MYT1L: variants seen among roughly 807,000 people sequenced by gnomAD.
The protein encoded by MYT1L is myelin transcription factor 1 like, also known as myelin transcription factor 1-like protein.
Under a neutral mutation model 126.7 loss-of-function variants are expected in MYT1L, and 12 were observed. That is an observed-to-expected ratio of 0.09 (90% CI 0.06 to 0.15). MYT1L has a LOEUF of 0.15. MYT1L is among the 10% of genes least tolerant of loss of function. MYT1L has a pLI of 1.00. For missense variants in MYT1L, 979 were observed against 1,585.2 expected, an observed-to-expected ratio of 0.62 and a Z score of 6.49; for synonymous variants, 541 against 604.2, an observed-to-expected ratio of 0.90 and a Z score of 1.53.
chr2:1,835,704 C>G (rs370631906), intron 21 of MYT1L, among the ~76,000 whole-genome samples: 3 of 152,160 alleles, frequency 2.0e-5, no homozygotes, highest in Non-Finnish European at 4.4e-5. Context: ...CGGGCAAACA[C>G]GCCCAGAGCC....
chr2:2,200,090 C>A (rs771036592), intron 2 of MYT1L, among the ~76,000 whole-genome samples: 1 of 152,072 alleles, frequency 6.6e-6, no homozygotes, highest in Non-Finnish European at 1.5e-5. Context: ...ACATGCTTCC[C>A]ACCGTGGCAC....
chr2:2,203,780 C>CA (rs1559327743), intron 2 of MYT1L, among the ~76,000 whole-genome samples: 1 of 152,014 alleles, frequency 6.6e-6, no homozygotes, highest in African/African-American at 2.4e-5. Flanking sequence ...CACATGGAAC[C>CA]AAAAAAGAGC....
intron 21 of MYT1L, among the ~76,000 whole-genome samples, chr2:1,831,466 G>A (rs536239627): frequency 1.8e-4 from 27 of 152,152 alleles, no homozygotes; most frequent in South Asian, 1.5e-3. Context: ...TGCCAACGTC[G>A]TTCCTCCCCT....
At chr2:2,238,478 C>G (rs1168138837) in intron 2 of MYT1L, among the ~76,000 whole-genome samples, 1 of 152,184 alleles carries the variant, frequency 6.6e-6, no homozygotes, top group Non-Finnish European at 1.5e-5. Context: ...GAAACACTTC[C>G]TCCTTTGACA....
At chr2:2,150,987 T>A (rs1485160509) in intron 3 of MYT1L, among the ~76,000 whole-genome samples, 3 of 152,068 alleles carry the variant, frequency 2.0e-5, no homozygotes, top group Non-Finnish European at 4.4e-5. Flanking sequence ...CAAGGCTGGC[T>A]CTGAGGAAAA....
intron 2 of MYT1L, among the ~76,000 whole-genome samples, chr2:2,198,031 A>T (rs1050424063): frequency 4.0e-5 from 6 of 151,710 alleles, no homozygotes; most frequent in African/African-American, 1.5e-4. Flanking sequence ...TGTATATATT[A>T]TATATATAAT....
intron 9 of MYT1L, among the ~76,000 whole-genome samples, chr2:1,932,422 T>TG (rs983340782): frequency 7.2e-5 from 11 of 152,244 alleles, no homozygotes; most frequent in South Asian, 2.1e-4. Context: ...GGCATGGCAC[T>TG]GGGGGGAGGA....
chr2:2,229,657 T>A (rs1223424863), intron 2 of MYT1L, among the ~76,000 whole-genome samples: 1 of 152,078 alleles, frequency 6.6e-6, no homozygotes, highest in African/African-American at 2.4e-5. Flanking sequence ...GGTCTTGAAC[T>A]CCTGGGCTCC....
At chr2:2,226,175 C>A (rs959936265) in intron 2 of MYT1L, among the ~76,000 whole-genome samples, 1 of 152,110 alleles carries the variant, frequency 6.6e-6, no homozygotes, top group Non-Finnish European at 1.5e-5. Flanking sequence ...CTTGCTGCAC[C>A]CCAAAACTCT....
chr2:2,206,219 C>A (rs1208468765), intron 2 of MYT1L, among the ~76,000 whole-genome samples: 2 of 152,128 alleles, frequency 1.3e-5, no homozygotes, highest in Non-Finnish European at 2.9e-5. Flanking sequence ...CTCAGATGAT[C>A]CACTGGCCTC....
At chr2:1,919,272 G>A (rs1435532864) in intron 10 of MYT1L, among the ~76,000 whole-genome samples, 2 of 152,132 alleles carry the variant, frequency 1.3e-5, no homozygotes, top group African/African-American at 4.8e-5. Context: ...TGGTTGAGGT[G>A]GGGTCATGCT....
At chr2:1,957,188 G>A (rs1188948156) in intron 8 of MYT1L, among the ~76,000 whole-genome samples, 1 of 152,190 alleles carries the variant, frequency 6.6e-6, no homozygotes. Flanking sequence ...CATGAGATGT[G>A]AGTGCATGTC....
intron 9 of MYT1L, among the ~76,000 whole-genome samples, chr2:1,934,389 CAT>C (rs1351605990): frequency 6.6e-6 from 1 of 151,168 alleles, no homozygotes; most frequent in Non-Finnish European, 1.5e-5. Context: ...GAGCAGCACA[CAT>C]GTGGGACAGC....
intron 2 of MYT1L, among the ~76,000 whole-genome samples, chr2:2,262,806 A>G (rs1050638516): frequency 1.3e-5 from 2 of 149,626 alleles, no homozygotes; most frequent in African/African-American, 4.9e-5. Context: ...TCCAATTCCA[A>G]ATAAAGACAT....
intron 2 of MYT1L, among the ~76,000 whole-genome samples, chr2:2,200,647 C>G (rs2093028722): frequency 6.6e-6 from 1 of 152,222 alleles, no homozygotes; most frequent in African/African-American, 2.4e-5. Flanking sequence ...TGACAGCACT[C>G]TGCCTACCAC....
chr2:2,065,520 G>A (rs935053175), intron 3 of MYT1L, among the ~76,000 whole-genome samples: 1 of 151,868 alleles, frequency 6.6e-6, no homozygotes, highest in African/African-American at 2.4e-5. Context: ...TCTTCATCCC[G>A]AGTAGCCATT....
At chr2:2,006,285 T>C (rs116586313) in intron 4 of MYT1L, among the ~76,000 whole-genome samples, 248 of 152,362 alleles carry the variant, frequency 1.6e-3, no homozygotes, top group Non-Finnish European at 2.9e-3. Flanking sequence ...GTTTACAACA[T>C]GTTGATATGG....
intron 2 of MYT1L, 31 bp downstream of exon 2, chr2:2,284,373 C>G (rs1192050021): frequency 6.6e-6 from 1 of 152,130 alleles, no homozygotes; most frequent in Non-Finnish European, 1.5e-5. Context: ...ATTCCTAATA[C>G]AACGGTAAGG....
chr2:2,052,077 G>T (rs930906943), intron 4 of MYT1L, among the ~76,000 whole-genome samples: 4 of 152,058 alleles, frequency 2.6e-5, no homozygotes, highest in Admixed American at 2.6e-4. Context: ...AAAATAGTGT[G>T]GTACTGGCAT....
Sources: gnomAD v4.1 joint callset for allele counts (sites outside exome capture counted in the v4.1 genomes callset) on GRCh38, gnomAD v4.1.1 for gene constraint, MANE v1.5 for transcripts, NCBI Gene and HGNC (gene_info 2026-07-23, HGNC 2026-07-21) for gene names.